Variants in RADIL observed in about 807,000 individuals in gnomAD.
RADIL encodes ras-associating and dilute domain-containing protein.
Under a neutral mutation model 97.6 loss-of-function variants are expected in RADIL, and 99 were observed. The observed-to-expected ratio is 1.01, with a 90% CI of 0.86 to 1.20. The LOEUF (loss-of-function observed/expected upper bound fraction) is 1.20, where lower values mean the gene tolerates loss of function less well. Among genes scored for constraint, RADIL ranks in the 50% most tolerant of loss-of-function variants. RADIL has a pLI of 0.00. For synonymous variants in RADIL, 803 were observed against 691.8 expected (o/e 1.16, Z -2.52); for missense variants, 1,765 against 1,498.9 (o/e 1.18, Z -2.93).
rs923550652 is a variant in RADIL, at chr7:4,872,582, A to G, written c.535+5023T>C. 6.6e-6 allele frequency among the ~76,000 whole-genome samples: 1 copy of G among 151,760 alleles called. No homozygotes were observed. The highest frequency in any genetic ancestry group is 1.5e-5 in the Non-Finnish European group (1 of 67,926). Reference sequence around the variant, plus strand: ...TCTGTGGGGCACCAGCCCTAAATACAGCCTTCTAGGAAAGGGGAGTGAGAG... The same window carrying G: ...TCTGTGGGGCACCAGCCCTAAATACGGCCTTCTAGGAAAGGGGAGTGAGAG... On this transcript the variant is annotated intron_variant, in intron 2 of 14. Transcript: ENST00000399583. The surrounding 1 kb of genome is among the most constrained non-coding windows in gnomAD (Gnocchi z 5.8).
At chr7:4,876,423 C>G (rs1370589797) in intron 2 of RADIL, among the ~76,000 whole-genome samples, 1 of 152,104 alleles carries the variant, frequency 6.6e-6, no homozygotes, top group Non-Finnish European at 1.5e-5. Flanking sequence ...GCCTGAGCCT[C>G]CTGAGTAGCT....
chr7:4,805,392 TTGGGGA>T (rs1782269992), intron 10 of RADIL, 168 bp downstream of exon 10: 2 of 695,946 alleles, frequency 2.9e-6, no homozygotes, highest in Non-Finnish European at 4.1e-6. Flanking sequence ...GATCCCCAGG[TTGGGGA>T]TGGGGCGGGG....
At chr7:4,836,335 G>A in intron 3 of RADIL, 23 bp downstream of exon 3, 3 of 1,563,342 alleles carry the variant, frequency 1.9e-6, no homozygotes, top group Non-Finnish European at 2.6e-6. Flanking sequence ...ACCGGGCAGT[G>A]GGTGTCAGGA....
chr7:4,826,472 C>G (rs1243773412), intron 5 of RADIL, among the ~76,000 whole-genome samples: 1 of 151,652 alleles, frequency 6.6e-6, no homozygotes, highest in African/African-American at 2.4e-5. Flanking sequence ...ATGGCTCACA[C>G]CTGTAATCCC....
intron 2 of RADIL, chr7:4,860,839 C>T (rs751270328): frequency 1.2e-6 from 2 of 1,614,158 alleles, no homozygotes; most frequent in Non-Finnish European, 1.7e-6. Flanking sequence ...ATGTGGAGTT[C>T]TGCTGTGGGT....
chr7:4,810,857 C>T (rs187402128), intron 9 of RADIL, among the ~76,000 whole-genome samples: 12 of 152,300 alleles, frequency 7.9e-5, no homozygotes, highest in African/African-American at 1.4e-4. Context: ...GAGATTAGGC[C>T]GGGCGTGGTG....
chr7:4,824,509 G>A lies in RADIL; in HGVS notation c.1455-1955C>T, dbSNP rs1398958806. ...AGCTGGGCAGCCGAGCAGGGCTGGG[G>A]GAGGAACCCCAGGCTGCGTCCCAGA... On this transcript the variant is annotated intron_variant, in intron 5 of 14. Coordinates refer to ENST00000399583, the MANE Select transcript of RADIL (RefSeq NM_018059.5). The surrounding 1 kb of genome is among the most constrained non-coding windows in gnomAD (Gnocchi z 6.7). Among the ~76,000 whole-genome samples, 2 of 152,226 alleles carry A rather than the reference G, an allele frequency of 1.3e-5. No individual in the cohort carries two copies. Among genetic ancestry groups the A allele is most frequent in the Non-Finnish European group, 2.9e-5 (2 of 68,040 alleles).
intron 5 of RADIL, among the ~76,000 whole-genome samples, chr7:4,827,038 A>G (rs190740827): frequency 6.6e-6 from 1 of 152,268 alleles, no homozygotes; most frequent in East Asian, 1.9e-4. Flanking sequence ...TGTGGTACTC[A>G]CTCCAGGGAA....
chr7:4,865,552 C>T, intron 2 of RADIL: 1 of 788,208 alleles, frequency 1.3e-6, no homozygotes, highest in Non-Finnish European at 2.3e-6. Flanking sequence ...TGTTGAGATA[C>T]TTCAAATACC....
chr7:4,861,244 A>C, intron 2 of RADIL: 2 of 1,614,112 alleles, frequency 1.2e-6, no homozygotes, highest in Non-Finnish European at 1.7e-6. Context: ...TTTTAAGTAG[A>C]CTGTCATCTC....
intron 2 of RADIL, among the ~76,000 whole-genome samples, chr7:4,850,650 G>T (rs1013009122): frequency 6.6e-6 from 1 of 152,174 alleles, no homozygotes; most frequent in Non-Finnish European, 1.5e-5. Flanking sequence ...CCACGGCTGT[G>T]AGCCAGAGAG....
intron 2 of RADIL, among the ~76,000 whole-genome samples, chr7:4,877,356 G>A (rs188077265): frequency 2.0e-5 from 3 of 152,328 alleles, no homozygotes; most frequent in East Asian, 1.9e-4. Flanking sequence ...TGGGAGGATC[G>A]CTTGAGCCCA....
chr7:4,823,713 C>T (rs1032790701), intron 5 of RADIL, among the ~76,000 whole-genome samples: 7 of 152,226 alleles, frequency 4.6e-5, no homozygotes, highest in African/African-American at 1.7e-4. Context: ...CAAACCCTTT[C>T]TCCCACATCT....
intron 2 of RADIL, chr7:4,858,102 C>T (rs1783878423): frequency 6.6e-6 from 1 of 152,148 alleles, no homozygotes; most frequent in African/African-American, 2.4e-5. Flanking sequence ...GGTGAAACGG[C>T]AAAGATGTGA....
chr7:4,871,156 T>G (rs781394497), intron 2 of RADIL, among the ~76,000 whole-genome samples: 10 of 152,236 alleles, frequency 6.6e-5, no homozygotes, highest in Non-Finnish European at 1.0e-4. Flanking sequence ...TTTCCCACGG[T>G]GACTCTGTCA....
intron 5 of RADIL, among the ~76,000 whole-genome samples, chr7:4,827,296 C>T (rs1350696538): frequency 2.7e-5 from 4 of 147,398 alleles, no homozygotes; most frequent in East Asian, 2.1e-4. Flanking sequence ...TCCTGGGAGG[C>T]GGAGGCTGCG....
chr7:4,844,367 C>T (rs1783519827), intron 2 of RADIL, among the ~76,000 whole-genome samples: 1 of 151,900 alleles, frequency 6.6e-6, no homozygotes, highest in African/African-American at 2.4e-5. Context: ...ATTGCTTGAA[C>T]CCGAGAGGCA....
At chr7:4,882,925 C>T (rs989207753) in intron 1 of RADIL, among the ~76,000 whole-genome samples, 1 of 151,792 alleles carries the variant, frequency 6.6e-6, no homozygotes, top group South Asian at 2.1e-4. Context: ...GCAGGATGGT[C>T]CGCAGCCCCG....
In RADIL at chr7:4,878,764, G is replaced by A. The variant is rs113775403; in HGVS notation, c.-64-561C>T. Among the ~76,000 whole-genome samples the A allele has an allele frequency of 2.1e-4, 32 of 152,354 alleles. No individual in the cohort carries two copies. Among genetic ancestry groups the A allele is most frequent in the African/African-American group, 7.0e-4 (29 of 41,588 alleles). The stretch of plus-strand genomic sequence containing the variant: ...CTTGGATTTCTGGAAAGTGCTGGGC[G>A]CAGCGCCCGTGTGCAGTGAGCATCA... On this transcript the variant is annotated intron_variant, in intron 1 of 14. Coordinates refer to ENST00000399583, the MANE Select transcript of RADIL (RefSeq NM_018059.5). The surrounding 1 kb of genome is among the most constrained non-coding windows in gnomAD (Gnocchi z 4.1).
Sources: allele counts gnomAD v4.1 joint callset (sites outside exome capture counted in the v4.1 genomes callset), GRCh38; gene constraint gnomAD v4.1.1; non-coding constraint Gnocchi (gnomAD v3.1); transcripts MANE v1.5; gene names NCBI Gene and HGNC (gene_info 2026-07-23, HGNC 2026-07-21).